Variants in SORCS3 observed in about 807,000 individuals in gnomAD.
The protein encoded by SORCS3 is VPS10 domain-containing receptor SorCS3.
SORCS3 carries 57 observed loss-of-function variants against 146.3 expected under a neutral mutation model. The ratio of observed to expected loss-of-function variants is 0.39; its 90% CI spans 0.31 to 0.49. The LOEUF (loss-of-function observed/expected upper bound fraction) is 0.49, where lower values mean the gene tolerates loss of function less well. SORCS3 is among the 20% of genes least tolerant of loss of function. The probability of loss-of-function intolerance (pLI) is 0.92; values close to 1 mark genes in which losing one functional copy is unlikely to be tolerated. For missense variants in SORCS3, 1,341 were observed against 1,575.5 expected (o/e 0.85, Z 2.52); for synonymous variants, 653 against 618.5 (o/e 1.06, Z -0.83).
At chr10:105,157,028 C>A in intron 9 of SORCS3, 110 bp from the exon 10 acceptor site, 1 of 1,282,710 alleles carries the variant, frequency 7.8e-7, no homozygotes, top group Non-Finnish European at 1.1e-6. Flanking sequence ...TCTTTTCTTG[C>A]TTGGAACCCC....
intron 4 of SORCS3, among the ~76,000 whole-genome samples, chr10:104,997,077 G>C (rs1449575447): frequency 1.3e-5 from 2 of 152,174 alleles, no homozygotes; most frequent in East Asian, 3.9e-4. Flanking sequence ...GGGGGCTATA[G>C]CTAAGATTAG....
chr10:105,039,551 G>C (rs992044412), intron 4 of SORCS3, among the ~76,000 whole-genome samples: 3 of 148,774 alleles, frequency 2.0e-5, no homozygotes, highest in Non-Finnish European at 4.4e-5. Flanking sequence ...CCGCCTCCCA[G>C]GTTCAAGCAA....
chr10:104,842,781 A>G lies in SORCS3; in HGVS notation c.628-11A>G, dbSNP rs778978921. The G allele has an allele frequency of 6.2e-7, 1 of 1,612,664 alleles. No individual in the cohort carries two copies. Among genetic ancestry groups the G allele is most frequent in the Non-Finnish European group, 8.5e-7 (1 of 1,178,956 alleles). ...TTCCTCTCCTTTGCCCTTATCCCCA[A>G]CCCCTTGCAGGTCATACTTATCCTG... On this transcript the variant is annotated splice_polypyrimidine_tract_variant and intron_variant, in intron 1 of 26. Transcript: ENST00000369701.
intron 1 of SORCS3, among the ~76,000 whole-genome samples, chr10:104,725,798 G>C (rs1422026202): frequency 2.0e-5 from 3 of 152,242 alleles, no homozygotes; most frequent in Non-Finnish European, 4.4e-5. Flanking sequence ...TAATCTCCTG[G>C]TGTGTCGTTT....
intron 10 of SORCS3, among the ~76,000 whole-genome samples, chr10:105,158,122 T>C (rs697192): frequency 0.039 from 5,889 of 152,320 alleles, 372 homozygotes; most frequent in African/African-American, 0.13. Flanking sequence ...CAGAGAGAAA[T>C]GCCTGCTTAC....
chr10:105,243,071 T>TTATATATTTATATATATTTA (rs2056846335), intron 20 of SORCS3, among the ~76,000 whole-genome samples: 2 of 138,358 alleles, frequency 1.4e-5, no homozygotes, highest in Non-Finnish European at 1.5e-5. Flanking sequence ...TTATATATAT[T>TTATATATTTATATATATTTA]TATATATATA....
chr10:105,045,426 A>G (rs894326878), intron 5 of SORCS3, among the ~76,000 whole-genome samples: 7 of 152,218 alleles, frequency 4.6e-5, no homozygotes, highest in Admixed American at 3.9e-4. Context: ...TGAATATTCA[A>G]TTTTTGTAAT....
Position 104,751,961 on chromosome 10 carries a change from AT to A in SORCS3, c.628-90830del, listed in dbSNP as rs1564675442. Reference sequence around the variant, plus strand: ...TATATATATATATATATATATATATATATATATAATAGTTTAGCAGCAGGAA... The same window carrying A: ...TATATATATATATATATATATATATAATATATAATAGTTTAGCAGCAGGAA... On this transcript the variant is annotated intron_variant, in intron 1 of 26. Transcript: ENST00000369701. Among the ~76,000 whole-genome samples, 167 of 107,100 alleles carry A rather than the reference AT, an allele frequency of 1.6e-3. 2 individuals are homozygous for A. The highest frequency in any genetic ancestry group is 3.3e-3 in the African/African-American group (81 of 24,346). The allele number at this position is 107,100 out of a possible 152,430, so 70.3% of individuals were successfully genotyped here. A position where few individuals can be genotyped will look rare whatever the true frequency, so the allele number is the denominator to read the frequency against.
chr10:105,256,330 C>T (rs966227063), intron 24 of SORCS3, among the ~76,000 whole-genome samples: 3 of 152,168 alleles, frequency 2.0e-5, no homozygotes, highest in East Asian at 1.9e-4. Flanking sequence ...TCTGGGAAAG[C>T]CTGTTTATTA....
intron 1 of SORCS3, among the ~76,000 whole-genome samples, chr10:104,779,421 G>T (rs896676311): frequency 2.0e-5 from 3 of 152,124 alleles, no homozygotes; most frequent in Non-Finnish European, 4.4e-5. Flanking sequence ...GAGAGGACAC[G>T]TACACACAAC....
intron 14 of SORCS3, among the ~76,000 whole-genome samples, chr10:105,198,764 G>A (rs557475014): frequency 6.6e-6 from 1 of 152,288 alleles, no homozygotes; most frequent in African/African-American, 2.4e-5. Flanking sequence ...TTTACTAAAG[G>A]AGAGATCCTG....
intron 11 of SORCS3, 79 bp from the exon 12 acceptor site, chr10:105,164,224 C>T: frequency 9.6e-7 from 1 of 1,045,170 alleles, no homozygotes; most frequent in Admixed American, 1.7e-5. Flanking sequence ...CCTTTACTCT[C>T]TGCTCCCCCA....
At chr10:105,209,754 G>T (rs1380041005) in intron 16 of SORCS3, among the ~76,000 whole-genome samples, 1 of 152,138 alleles carries the variant, frequency 6.6e-6, no homozygotes, top group Admixed American at 6.5e-5. Flanking sequence ...GATAAAGAGG[G>T]TTGAAAAGGC....
Position 105,102,780 on chromosome 10 carries a change from CTTTTTTTTTTT to C in SORCS3, c.1094-2601_1094-2591del, listed in dbSNP as rs1183026265. Among the ~76,000 whole-genome samples the C allele has an allele frequency of 1.9e-4, 18 of 92,520 alleles. 1 individual carries two copies. In the Admixed American group the frequency reaches 2.1e-3, roughly 11 times the overall value. 60.7% of individuals were successfully genotyped at this position (92,520 alleles called of 152,430 possible). On this transcript the variant is annotated intron_variant, in intron 6 of 26. Transcript: ENST00000369701. ...TTTTATATTTAAATTACCTCTCAAC[CTTTTTTTTTTT>C]TTTTTTTTTTTTTTTGTGAGATGGA...
chr10:104,681,100 C>T (rs908127616), intron 1 of SORCS3, among the ~76,000 whole-genome samples: 18 of 152,254 alleles, frequency 1.2e-4, no homozygotes, highest in Middle Eastern at 3.2e-3. Context: ...ACATGCCGGT[C>T]TCCCTGCTTT....
chr10:104,866,829 G>C (rs868743317), intron 2 of SORCS3, among the ~76,000 whole-genome samples: 1 of 152,106 alleles, frequency 6.6e-6, no homozygotes, highest in Non-Finnish European at 1.5e-5. Context: ...CTCTTTTGGG[G>C]TATGTCAATT....
rs140759768 is a variant in SORCS3, at chr10:105,191,376, G to A, written c.2010-8623G>A. The stretch of plus-strand genomic sequence containing the variant: ...GTAGTATTTGAATTACAAGTAAAAG[G>A]AATAACCTACCAAGAAAATAGAATA... On this transcript the variant is annotated intron_variant, in intron 14 of 26. Transcript: ENST00000369701. Among the ~76,000 whole-genome samples, 216 of 152,162 alleles carry A rather than the reference G, an allele frequency of 1.4e-3. 1 individual carries two copies. The highest frequency in any genetic ancestry group is 4.1e-3 in the African/African-American group (170 of 41,492).
intron 2 of SORCS3, among the ~76,000 whole-genome samples, chr10:104,895,208 A>T (rs184362719): frequency 6.6e-6 from 1 of 152,086 alleles, no homozygotes; most frequent in South Asian, 2.1e-4. Context: ...ACCTATTTCA[A>T]TCCCTTTCCA....
chr10:104,837,664 GT>G (rs1300460471), intron 1 of SORCS3, among the ~76,000 whole-genome samples: 14 of 152,122 alleles, frequency 9.2e-5, no homozygotes, highest in African/African-American at 3.4e-4. Context: ...GAAAACAAAA[GT>G]TATCTTTACC....
Sources: gnomAD v4.1 joint callset for allele counts (sites outside exome capture counted in the v4.1 genomes callset) on GRCh38, gnomAD v4.1.1 for gene constraint, MANE v1.5 for transcripts, NCBI Gene and HGNC (gene_info 2026-07-23, HGNC 2026-07-21) for gene names.